Variants in N4BP2 observed in about 807,000 individuals in gnomAD.
The protein encoded by N4BP2 is NEDD4-binding protein 2.
N4BP2 carries 91 observed loss-of-function variants against 152.8 expected under a neutral mutation model. The ratio of observed to expected loss-of-function variants is 0.60; its 90% CI spans 0.50 to 0.71. The LOEUF is 0.71. Among genes scored for constraint, N4BP2 ranks in the 30% least tolerant of loss-of-function variants. The probability of loss-of-function intolerance (pLI) is 0.00; values close to 1 mark genes in which losing one functional copy is unlikely to be tolerated. For synonymous variants in N4BP2, 646 were observed against 705.3 expected (o/e 0.92, Z 1.33); for missense variants, 1,923 against 2,059.1 (o/e 0.93, Z 1.28).
chr4:40,187,699 T>C, the N4BP2 span, among the ~76,000 whole-genome samples: 1 of 152,182 alleles, frequency 6.6e-6, no homozygotes, highest in Admixed American at 6.5e-5. Flanking sequence ...TAGTTTTGAG[T>C]GACTTTCAGA....
At chr4:40,140,949 C>T (rs1369600291) in intron 14 of N4BP2, among the ~76,000 whole-genome samples, 1 of 150,478 alleles carries the variant, frequency 6.6e-6, no homozygotes, top group Non-Finnish European at 1.5e-5. Flanking sequence ...AAGAATTTTT[C>T]TTAGTACAGA....
intron 2 of N4BP2, among the ~76,000 whole-genome samples, chr4:40,091,006 T>TTA (rs1714487442): frequency 1.7e-4 from 1 of 5,754 alleles, no homozygotes; most frequent in Non-Finnish European, 7.3e-4. Flanking sequence ...TATTTCTCTG[T>TTA]TTTTTTTTTT....
At chr4:40,088,880 T>A (rs1338850520) in intron 2 of N4BP2, among the ~76,000 whole-genome samples, 1 of 152,206 alleles carries the variant, frequency 6.6e-6, no homozygotes, top group South Asian at 2.1e-4. Flanking sequence ...CACCTGTATC[T>A]CCTCTTTCGT....
In N4BP2 at chr4:40,131,813, C is replaced by G; in HGVS notation, c.4540C>G (p.Leu1514Val). ...GTTTTTGTTTTAGAAAAGGGAGACC[C>G]TTATGTTTGAAAAAGATTGTGCCAC... ...QEKHNLKRET[L>V]MFEKDCATKL... The change falls in exon 13 of 18, where the codon CTT becomes GTT. Residue 1514 changes from leucine to valine, a missense_variant. Physicochemically the swap from Leu to Val is conservative, Grantham distance 32. Transcript: ENST00000261435. 1 of 1,612,240 alleles carries G rather than the reference C, an allele frequency of 6.2e-7. No homozygotes were observed. The highest frequency in any genetic ancestry group is 1.3e-5 in the African/African-American group (1 of 74,962).
chr4:40,165,880 C>A, the N4BP2 span, among the ~76,000 whole-genome samples: 3 of 152,184 alleles, frequency 2.0e-5, no homozygotes, highest in Non-Finnish European at 2.9e-5. Flanking sequence ...TCCGTAGATA[C>A]CCCAAAGCCT....
intron 17 of N4BP2, among the ~76,000 whole-genome samples, chr4:40,153,261 A>G (rs894060511): frequency 6.6e-6 from 1 of 152,348 alleles, no homozygotes; most frequent in South Asian, 2.1e-4. Flanking sequence ...CTTTGATAAT[A>G]TGCAAAATAA....
At chr4:40,132,911 T>A (rs1719027559) in intron 13 of N4BP2, among the ~76,000 whole-genome samples, 1 of 141,620 alleles carries the variant, frequency 7.1e-6, no homozygotes, top group African/African-American at 2.7e-5. Flanking sequence ...AATGAAATGG[T>A]GTTGGTCTGT....
chr4:40,185,323 G>T, the N4BP2 span, among the ~76,000 whole-genome samples: 2 of 152,128 alleles, frequency 1.3e-5, no homozygotes, highest in South Asian at 4.1e-4. Context: ...GGTTTTTGCT[G>T]TTTTATGGTT....
chr4:40,158,387 T>A (rs1285750271), downstream of N4BP2: 1 of 152,200 alleles, frequency 6.6e-6, no homozygotes, highest in Non-Finnish European at 1.5e-5. Context: ...AAAACTTTTC[T>A]TCTGGTTTAC....
chr4:40,112,202 A>T (rs771442589), intron 6 of N4BP2, 30 bp downstream of exon 6: 1 of 1,238,394 alleles, frequency 8.1e-7, no homozygotes, highest in Non-Finnish European at 1.2e-6. Flanking sequence ...ATAAGTTTAT[A>T]ACAGTTTGTA....
rs1442495029 is a variant in N4BP2, at chr4:40,120,966, T to C, written c.2855T>C (p.Leu952Pro). ...TCCAATCTAGGAAGTTCTGAAATGCTGCTCAGTGAAATGACCTGTGAGAGT... is the reference window on the plus strand; with the variant it reads ...TCCAATCTAGGAAGTTCTGAAATGCCGCTCAGTGAAATGACCTGTGAGAGT... ...GSSNLGSSEM[L>P]LSEMTCESQT... The change falls in exon 9 of 18, where the codon CTG becomes CCG. Residue 952 changes from leucine to proline, a missense_variant. Coordinates refer to ENST00000261435, the MANE Select transcript of N4BP2 (RefSeq NM_018177.6). 1 of 1,614,206 alleles carries C rather than the reference T, an allele frequency of 6.2e-7. No homozygotes were observed.
intron 14 of N4BP2, among the ~76,000 whole-genome samples, chr4:40,139,951 CA>C (rs1298578135): frequency 6.6e-6 from 1 of 151,550 alleles, no homozygotes; most frequent in Non-Finnish European, 1.5e-5. Context: ...AGGCATGAAC[CA>C]CCACACCTGG....
rs150438676 is a variant in N4BP2 at position 40,138,481 on chromosome 4, A to C, written c.4785+1399A>C. Among the ~76,000 whole-genome samples, 361 of 152,360 alleles carry C rather than the reference A, an allele frequency of 2.4e-3. 1 individual carries two copies. Among genetic ancestry groups the C allele is most frequent in the African/African-American group, 8.2e-3 (342 of 41,586 alleles). The stretch of plus-strand genomic sequence containing the variant: ...CTATGTTGCCTGTGCTTCATTGCCA[A>C]ATCCAATGTCATGAACTTTCCTCCT... On this transcript the variant is annotated intron_variant, in intron 14 of 17. Transcript: ENST00000261435.
the N4BP2 span, among the ~76,000 whole-genome samples, chr4:40,164,637 C>G: frequency 6.6e-6 from 1 of 152,122 alleles, no homozygotes; most frequent in African/African-American, 2.4e-5. Flanking sequence ...GCTGCTTTGT[C>G]AAGACTGGAG....
At chr4:40,179,786 C>G in the N4BP2 span, among the ~76,000 whole-genome samples, 1 of 105,674 alleles carries the variant, frequency 9.5e-6, no homozygotes, top group African/African-American at 3.8e-5. Flanking sequence ...TTTTTTGAGA[C>G]GGAGTTTCAC....
chr4:40,109,746 A>G (rs569184604), intron 5 of N4BP2, among the ~76,000 whole-genome samples: 2 of 152,184 alleles, frequency 1.3e-5, no homozygotes, highest in East Asian at 3.9e-4. Context: ...AGCATGGTTC[A>G]GCATGCCCTT....
chr4:40,059,419 G>T (rs998777167), intron 1 of N4BP2, among the ~76,000 whole-genome samples: 1 of 151,918 alleles, frequency 6.6e-6, no homozygotes, highest in Admixed American at 6.6e-5. Context: ...TTGAGACAGA[G>T]CCTCACTCTG....
At chr4:40,069,236 A>C (rs908187886) in intron 1 of N4BP2, among the ~76,000 whole-genome samples, 16 of 152,038 alleles carry the variant, frequency 1.1e-4, no homozygotes, top group Admixed American at 1.0e-3. Flanking sequence ...TCAGGAGTTC[A>C]AGACCAGCCT....
In N4BP2 at chr4:40,118,039, C is replaced by T. The variant is rs1560610168; in HGVS notation, c.1820+15C>T. On this transcript the variant is annotated intron_variant, in intron 8 of 17. Coordinates refer to ENST00000261435, the MANE Select transcript of N4BP2 (RefSeq NM_018177.6). Reference sequence around the variant, plus strand: ...AGAAGCACTAGGTAGGTTAAAATGCCTTATGTACAAAATTCAATTTGAAAT... The same window carrying T: ...AGAAGCACTAGGTAGGTTAAAATGCTTTATGTACAAAATTCAATTTGAAAT... 6.6e-6 allele frequency: 10 copies of T among 1,507,880 alleles called. No individual in the cohort carries two copies. Among genetic ancestry groups the T allele is most frequent in the Non-Finnish European group, 8.0e-6 (9 of 1,124,588 alleles). The allele number at this position is 1,507,880 out of a possible 1,614,324, so 93.4% of individuals were successfully genotyped here.
Sources: gnomAD v4.1 joint callset for allele counts (sites outside exome capture counted in the v4.1 genomes callset) on GRCh38, gnomAD v4.1.1 for gene constraint, MANE v1.5 for transcripts, NCBI Gene and HGNC (gene_info 2026-07-23, HGNC 2026-07-21) for gene names.